YTHDF2: variants seen among roughly 807,000 people sequenced by gnomAD.
The protein encoded by YTHDF2 is YTH domain-containing family protein 2.
Under a neutral mutation model 50.4 loss-of-function variants are expected in YTHDF2, and 2 were observed. The observed-to-expected ratio is 0.04, with a 90% CI of 0.02 to 0.12. The LOEUF is 0.12. YTHDF2 is among the 10% of genes least tolerant of loss of function. YTHDF2 has a pLI of 1.00. For missense variants in YTHDF2, 483 were observed against 722.6 expected (o/e 0.67, Z 3.80); for synonymous variants, 217 against 255.6 (o/e 0.85, Z 1.44).
intron 4 of YTHDF2, among the ~76,000 whole-genome samples, chr1:28,767,602 G>A (rs1333903337): frequency 6.6e-6 from 1 of 151,952 alleles, no homozygotes; most frequent in Non-Finnish European, 1.5e-5. Flanking sequence ...TCCGCCTTCC[G>A]GGTTCACGCC....
chr1:28,737,625 C>A (rs576698840), intron 1 of YTHDF2, 33 bp from the exon 2 acceptor site: 3 of 1,613,678 alleles, frequency 1.9e-6, no homozygotes, highest in African/African-American at 2.7e-5. Flanking sequence ...CTTTGGACAA[C>A]TTGCTGCTCG....
At chr1:28,738,195 T>C (rs2087724011) in intron 2 of YTHDF2, 64 bp from the exon 3 acceptor site, 2 of 1,328,094 alleles carry the variant, frequency 1.5e-6, no homozygotes, top group Non-Finnish European at 2.2e-6. Flanking sequence ...TTAGCATATA[T>C]GAACTAATTT....
At chr1:28,754,330 C>A (rs1362801293) in intron 4 of YTHDF2, among the ~76,000 whole-genome samples, 1 of 151,998 alleles carries the variant, frequency 6.6e-6, no homozygotes, top group African/African-American at 2.4e-5. Context: ...GAGTTTGATA[C>A]CAGCCTGGCC....
Position 28,769,175 on chromosome 1 carries a change from G to C in YTHDF2, c.*223G>C. On this transcript the variant is annotated 3_prime_UTR_variant, in exon 5 of 5. Coordinates refer to ENST00000373812, the MANE Select transcript of YTHDF2 (RefSeq NM_016258.3). ...ACTAAACAAAAAATCCCTCTAGGTA[G>C]TTTAGGTGAAAAATGTCCCTTTTAT... 2.7e-6 allele frequency: 1 copy of C among 367,428 alleles called. No homozygotes were observed. Among genetic ancestry groups the C allele is most frequent in the Non-Finnish European group, 4.9e-6 (1 of 202,866 alleles). The allele number at this position is 367,428 out of a possible 1,614,324, so 22.8% of individuals were successfully genotyped here. A position where few individuals can be genotyped will look rare whatever the true frequency, so the allele number is the denominator to read the frequency against.
At chr1:28,749,493 T>G (rs1408691012) in intron 4 of YTHDF2, among the ~76,000 whole-genome samples, 2 of 152,148 alleles carry the variant, frequency 1.3e-5, no homozygotes, top group East Asian at 3.9e-4. Context: ...GTGTTTCTCT[T>G]TTGACTCAAC....
At chr1:28,765,932 C>T (rs2088209685) in intron 4 of YTHDF2, among the ~76,000 whole-genome samples, 1 of 152,172 alleles carries the variant, frequency 6.6e-6, no homozygotes, top group Non-Finnish European at 1.5e-5. Flanking sequence ...AGTTACATAA[C>T]CACAGTGCAT....
chr1:28,737,483 G>A, intron 1 of YTHDF2, 175 bp from the exon 2 acceptor site: 2 of 869,398 alleles, frequency 2.3e-6, no homozygotes, highest in Non-Finnish European at 3.4e-6. Context: ...CCTGCCCCAC[G>A]GGCCTGGCGC....
At chr1:28,737,541 C>T in intron 1 of YTHDF2, 117 bp from the exon 2 acceptor site, 4 of 1,381,776 alleles carry the variant, frequency 2.9e-6, no homozygotes, top group Non-Finnish European at 4.0e-6. Context: ...CCATTCCTGA[C>T]GCCTCCCCTC....
At chr1:28,744,136 T>A in intron 4 of YTHDF2, 150 bp downstream of exon 4, 1 of 902,794 alleles carries the variant, frequency 1.1e-6, no homozygotes, top group Non-Finnish European at 1.6e-6. Context: ...TAATTGGTTT[T>A]AATACTTGAA....
At chr1:28,738,125 C>T (rs753853202) in intron 2 of YTHDF2, 134 bp from the exon 3 acceptor site, 14 of 689,568 alleles carry the variant, frequency 2.0e-5, no homozygotes, top group Non-Finnish European at 3.3e-5. Context: ...TCACTGTCAT[C>T]TCTTACCCTT....
At chr1:28,757,397 AT>A (rs2124195461) in intron 4 of YTHDF2, among the ~76,000 whole-genome samples, 1 of 151,754 alleles carries the variant, frequency 6.6e-6, no homozygotes, top group East Asian at 1.9e-4. Context: ...ACTGTTGGAT[AT>A]AGAGTGGGAA....
At chr1:28,742,353 C>T (rs1372295600) in intron 3 of YTHDF2, 50 bp from the exon 4 acceptor site, 2 of 1,519,946 alleles carry the variant, frequency 1.3e-6, no homozygotes, top group Non-Finnish European at 8.8e-7. Context: ...GAGGAAATAG[C>T]CTGATGTTAA....
chr1:28,762,941 C>T (rs1398952670), intron 4 of YTHDF2, among the ~76,000 whole-genome samples: 1 of 152,014 alleles, frequency 6.6e-6, no homozygotes. Flanking sequence ...ATTCTCCTGC[C>T]TCAGCCTCCT....
intron 4 of YTHDF2, among the ~76,000 whole-genome samples, chr1:28,762,293 G>C (rs2088148853): frequency 6.6e-6 from 1 of 152,210 alleles, no homozygotes; most frequent in African/African-American, 2.4e-5. Context: ...TCGGGAGGCT[G>C]AGGCAGGAGA....
chr1:28,743,786 C>T lies in YTHDF2; in HGVS notation c.1516C>T (p.Pro506Ser), dbSNP rs200417051. ...CAGGTGGATTTTTGTGAAGGACGTT[C>T]CCAATAGCCAACTGCGACACATTCG... ...DVRWIFVKDV[P>S]NSQLRHIRLE... The change falls in exon 4 of 5, where the codon CCC becomes TCC. Residue 506 changes from proline (P) to serine (S), a missense_variant. By Grantham distance (74) the Pro-to-Ser change is moderately conservative. Around this residue, in one of 4 missense-constraint regions of YTHDF2, gnomAD observed 59 missense variants for 168.9 expected, o/e 0.35. Transcript: ENST00000373812. The surrounding 1 kb of genome is among the most constrained non-coding windows in gnomAD (Gnocchi z 6.9). 9 of 1,613,266 alleles carry T rather than the reference C, an allele frequency of 5.6e-6. No homozygotes were observed. Among genetic ancestry groups the T allele is most frequent in the Non-Finnish European group, 8.5e-7 (1 of 1,179,598 alleles).
chr1:28,737,760 C>A (rs1394363574), intron 2 of YTHDF2, 78 bp downstream of exon 2: 2 of 1,570,604 alleles, frequency 1.3e-6, no homozygotes, highest in Non-Finnish European at 1.7e-6. Context: ...GGGAAGCGCC[C>A]CGGGCGGAGG....
chr1:28,738,619 A>AT (rs879825581), intron 3 of YTHDF2, among the ~76,000 whole-genome samples: 7 of 151,766 alleles, frequency 4.6e-5, no homozygotes, highest in South Asian at 4.2e-4. Flanking sequence ...TAGTTTTTCT[A>AT]TTTTTTTAGT....
rs770091939 is a variant in YTHDF2 at position 28,742,460 on chromosome 1, A to G, written c.190A>G (p.Ile64Val). The G allele has an allele frequency of 2.5e-6, 4 of 1,610,680 alleles. No individual in the cohort carries two copies. Among genetic ancestry groups the G allele is most frequent in the East Asian group, 2.2e-5 (1 of 44,868 alleles). The change falls in exon 4 of 5, where the codon ATT becomes GTT. Residue 64 changes from isoleucine to valine, a missense_variant. Coordinates refer to ENST00000373812, the MANE Select transcript of YTHDF2 (RefSeq NM_016258.3). ...SYLPSYYSPSIGFSYSLGEAA... is the reference protein window; with the variant it reads ...SYLPSYYSPSVGFSYSLGEAA... ...CTTACCCAGTTACTACAGTCCCTCCATTGGCTTCTCCTATTCTTTGGGTGA... is the reference window on the plus strand; with the variant it reads ...CTTACCCAGTTACTACAGTCCCTCCGTTGGCTTCTCCTATTCTTTGGGTGA...
chr1:28,750,631 A>T (rs2087936514), intron 4 of YTHDF2, among the ~76,000 whole-genome samples: 1 of 152,220 alleles, frequency 6.6e-6, no homozygotes, highest in Non-Finnish European at 1.5e-5. Context: ...TGTTACACGT[A>T]AAATAAGTAA....
Sources: allele counts gnomAD v4.1 joint callset (sites outside exome capture counted in the v4.1 genomes callset), GRCh38; gene constraint gnomAD v4.1.1; regional missense constraint gnomAD v4.1.1; non-coding constraint Gnocchi (gnomAD v3.1); transcripts MANE v1.5; gene names NCBI Gene and HGNC (gene_info 2026-07-23, HGNC 2026-07-21).